Variants in MYT1L observed in about 807,000 individuals in gnomAD.
The protein encoded by MYT1L is myelin transcription factor 1 like.
A neutral mutation model predicts 126.7 loss-of-function variants in MYT1L; 12 were observed. That is an observed-to-expected ratio of 0.09 (90% confidence interval 0.06 to 0.15). MYT1L has a LOEUF of 0.15. Among genes scored for constraint, MYT1L ranks in the 10% least tolerant of loss-of-function variants. The probability of loss-of-function intolerance (pLI) is 1.00; values close to 1 mark genes in which losing one functional copy is unlikely to be tolerated. For missense variants in MYT1L, 979 were observed against 1,585.2 expected, an observed-to-expected ratio of 0.62 and a Z score of 6.49; for synonymous variants, 541 against 604.2, an observed-to-expected ratio of 0.90 and a Z score of 1.53.
rs375728632 is a variant in MYT1L, at chr2:2,006,764, C to T, written c.-157-9417G>A. Among the ~76,000 whole-genome samples, 44 of 151,840 alleles carry T rather than the reference C, an allele frequency of 2.9e-4. 1 individual carries two copies. In the Middle Eastern group the frequency reaches 0.01, roughly 35 times the overall value. On this transcript the variant is annotated intron_variant, in intron 4 of 24. Transcript: ENST00000647738. ...CTAATTTTTGTATTTTTAGTAGAGA[C>T]GGGGTTTCACCATGTTGGCCAGACC...
At chr2:1,823,369 T>G (rs1476189443) in intron 21 of MYT1L, among the ~76,000 whole-genome samples, 3 of 152,214 alleles carry the variant, frequency 2.0e-5, no homozygotes, top group African/African-American at 4.8e-5. Context: ...CTGTGGCAGC[T>G]GTAGTTGTAG....
intron 2 of MYT1L, among the ~76,000 whole-genome samples, chr2:2,211,815 A>AAACAAACAAACAAACAAAC (rs2093523094): frequency 1.5e-5 from 2 of 132,960 alleles, no homozygotes; most frequent in African/African-American, 5.3e-5. Context: ...AAAAAAAAAA[A>AAACAAACAAACAAACAAAC]AAAAAACCAA....
chr2:2,053,675 C>G (rs935521117), intron 4 of MYT1L, among the ~76,000 whole-genome samples: 4 of 152,178 alleles, frequency 2.6e-5, no homozygotes, highest in Non-Finnish European at 4.4e-5. Flanking sequence ...GGGAGCTTCT[C>G]TATGACTGCT....
rs561582596 is a variant in MYT1L at position 2,163,082 on chromosome 2, T to G, written c.-304+9790A>C. ...AAATAAGATCTTGGCTAAGTGGGTC[T>G]ATCTGCAGAATAAACTCCACCTAGT... On this transcript the variant is annotated intron_variant, in intron 3 of 24. Coordinates refer to ENST00000647738, the MANE Select transcript of MYT1L (RefSeq NM_001303052.2). Among the ~76,000 whole-genome samples the G allele has an allele frequency of 1.2e-4, 18 of 152,338 alleles. No homozygotes were observed. In the East Asian group the frequency reaches 2.9e-3, roughly 25 times the overall value.
At chr2:2,203,015 C>T (rs1180470277) in intron 2 of MYT1L, among the ~76,000 whole-genome samples, 1 of 150,870 alleles carries the variant, frequency 6.6e-6, no homozygotes, top group Non-Finnish European at 1.5e-5. Context: ...GAACCAAAGA[C>T]AAAAACCACA....
At chr2:2,172,784 AG>A (rs895924103) in intron 3 of MYT1L, 87 bp downstream of exon 3, 2 of 147,468 alleles carry the variant, frequency 1.4e-5, no homozygotes, top group African/African-American at 5.1e-5. Flanking sequence ...CTTGCTGGGC[AG>A]GGGTACCTGC....
intron 8 of MYT1L, among the ~76,000 whole-genome samples, chr2:1,962,152 T>G (rs2149390044): frequency 6.6e-6 from 1 of 152,366 alleles, no homozygotes; most frequent in East Asian, 1.9e-4. Context: ...AAGGTTATAA[T>G]GTACTAATAC....
intron 2 of MYT1L, among the ~76,000 whole-genome samples, chr2:2,213,159 TACAAAACAATTGTTTCAAG>T (rs1216808159): frequency 6.6e-6 from 1 of 152,010 alleles, no homozygotes; most frequent in Admixed American, 6.6e-5. Context: ...AACGGACAAA[TACAAAACAATTGTTTCAAG>T]ACACCAGACA....
At position 2,072,989 on chromosome 2, in the gene MYT1L, G is replaced by T. The variant is rs962144821; in HGVS notation, c.-303-18866C>A. ...TTGGGCAGGTTTGGTATCTGCTGAG[G>T]GCCTGCTTTTGGTTTGTAGACAGTG... On this transcript the variant is annotated intron_variant, in intron 3 of 24. Transcript: ENST00000647738. 2.6e-5 allele frequency among the ~76,000 whole-genome samples: 4 copies of T among 152,172 alleles called. No individual in the cohort carries two copies. In the East Asian group the frequency reaches 7.8e-4, roughly 29 times the overall value.
chr2:1,935,421 G>A (rs2055741751), intron 9 of MYT1L, among the ~76,000 whole-genome samples: 1 of 152,130 alleles, frequency 6.6e-6, no homozygotes, highest in South Asian at 2.1e-4. Flanking sequence ...CTGCGTGTGG[G>A]GAGGGGGTCA....
chr2:2,311,571 TG>T (rs911946539), intron 1 of MYT1L, among the ~76,000 whole-genome samples: 1 of 152,170 alleles, frequency 6.6e-6, no homozygotes, highest in African/African-American at 2.4e-5. Context: ...CACACGACTT[TG>T]GGGGGCACCA....
chr2:2,301,778 G>T (rs780799056), intron 1 of MYT1L, among the ~76,000 whole-genome samples: 1 of 146,652 alleles, frequency 6.8e-6, no homozygotes, highest in Non-Finnish European at 1.5e-5. Flanking sequence ...AGTGAGCTAC[G>T]TTTGCATCAC....
rs33963632 is a variant in MYT1L, at chr2:2,192,417, A to AT, written c.-420-19430dup. 3.7e-3 allele frequency among the ~76,000 whole-genome samples: 534 copies of AT among 145,026 alleles called. 2 individuals carry two copies. Among genetic ancestry groups the AT allele is most frequent in the African/African-American group, 0.012 (474 of 39,816 alleles). ...TTATTCAGTGTTTCATGTTAGTTTC[A>AT]TTTTTTTTTTTTTTTCATATAGGAT... On this transcript the variant is annotated intron_variant, in intron 2 of 24. Transcript: ENST00000647738.
At chr2:2,141,752 A>G (rs940205513) in intron 3 of MYT1L, among the ~76,000 whole-genome samples, 1 of 152,160 alleles carries the variant, frequency 6.6e-6, no homozygotes, top group African/African-American at 2.4e-5. Context: ...ACAGATGAAT[A>G]AGCTGTAGAG....
intron 2 of MYT1L, among the ~76,000 whole-genome samples, chr2:2,274,936 C>T (rs1231197757): frequency 1.3e-5 from 2 of 152,064 alleles, no homozygotes; most frequent in East Asian, 1.9e-4. Flanking sequence ...TCAGCAAACA[C>T]GTATTGATCC....
rs974775468 is a variant in MYT1L, at chr2:1,997,340, T to G, written c.-150A>C. 1 of 152,574 alleles carries G rather than the reference T, an allele frequency of 6.6e-6. No individual in the cohort carries two copies. The highest frequency in any genetic ancestry group is 2.4e-5 in the African/African-American group (1 of 41,442). 9.5% of individuals were successfully genotyped at this position (152,574 alleles called of 1,614,324 possible). ...TCACTTAATCTCTCTATGCCTTGAT[T>G]TCTCCATCTGTAAAATATAAAAAGC... On this transcript the variant is annotated 5_prime_UTR_variant, in exon 5 of 25. Coordinates refer to ENST00000647738, the MANE Select transcript of MYT1L (RefSeq NM_001303052.2).
intron 14 of MYT1L, among the ~76,000 whole-genome samples, chr2:1,899,446 G>A (rs981079418): frequency 2.0e-5 from 3 of 152,236 alleles, no homozygotes; most frequent in Admixed American, 1.3e-4. Flanking sequence ...GGTGGGCTGT[G>A]GCTTGGAGTT....
Position 1,912,087 on chromosome 2 carries a change from G to A in MYT1L, c.1642C>T (p.Leu548Phe). The A allele has an allele frequency of 6.3e-7, 1 of 1,588,058 alleles. No individual in the cohort carries two copies. Among genetic ancestry groups the A allele is most frequent in the East Asian group, 2.3e-5 (1 of 44,030 alleles). The change falls in exon 12 of 25, where the codon CTC becomes TTC. Residue 548 changes from leucine (L) to phenylalanine (F), a missense_variant. Coordinates refer to ENST00000647738, the MANE Select transcript of MYT1L (RefSeq NM_001303052.2). The surrounding 1 kb of genome is among the most constrained non-coding windows in gnomAD (Gnocchi z 4.3). ...PEILAMHESV[L>F]KCPTPGCTGR... is the part of the protein sequence containing the mutation. ...GTGCAGCCCGGAGTGGGGCACTTGA[G>A]GACACTTTCATGCATGGCAAGGACT... is the stretch of plus-strand genomic sequence containing the variant.
At chr2:2,216,367 T>C (rs1457586919) in intron 2 of MYT1L, among the ~76,000 whole-genome samples, 1 of 151,978 alleles carries the variant, frequency 6.6e-6, no homozygotes, top group Non-Finnish European at 1.5e-5. Flanking sequence ...TTTTAGAAAA[T>C]TACCCCCAAA....
Sources: gnomAD v4.1 joint callset for allele counts (sites outside exome capture counted in the v4.1 genomes callset) on GRCh38, gnomAD v4.1.1 for gene constraint, Gnocchi (gnomAD v3.1) non-coding constraint, MANE v1.5 for transcripts, NCBI Gene and HGNC (gene_info 2026-07-23, HGNC 2026-07-21) for gene names.